The following STARD13 variants were observed in gnomAD, a reference collection of about 807,000 sequenced individuals.
STARD13 encodes the protein StAR related lipid transfer domain containing 13.
Under a neutral mutation model 106.4 loss-of-function variants are expected in STARD13, and 62 were observed. The ratio of observed to expected loss-of-function variants is 0.58; its 90% CI spans 0.48 to 0.72. The LOEUF (loss-of-function observed/expected upper bound fraction) is 0.72. Among genes scored for constraint, STARD13 ranks in the 30% least tolerant of loss-of-function variants. The pLI, the probability that STARD13 is intolerant of heterozygous loss-of-function variation, is 0.00. For synonymous variants in STARD13, 565 were observed against 553.0 expected (o/e 1.02, Z -0.31); for missense variants, 1,387 against 1,424.0 (o/e 0.97, Z 0.42).
intron 1 of STARD13, among the ~76,000 whole-genome samples, chr13:33,284,418 G>A (rs954403046): frequency 3.9e-5 from 6 of 152,122 alleles, no homozygotes; most frequent in South Asian, 4.1e-4. Context: ...TTATTTAAGT[G>A]GAAACTGTAT....
the STARD13 span, among the ~76,000 whole-genome samples, chr13:33,414,095 A>C: frequency 1.3e-5 from 2 of 152,036 alleles, no homozygotes; most frequent in Non-Finnish European, 2.9e-5. Context: ...AGCATTGTCC[A>C]TAGGAAAAGG....
chr13:33,367,987 A>G, the STARD13 span, among the ~76,000 whole-genome samples: 9 of 152,144 alleles, frequency 5.9e-5, no homozygotes, highest in African/African-American at 1.9e-4. Flanking sequence ...CCCAGTAACT[A>G]TAAGAACTCT....
the STARD13 span, among the ~76,000 whole-genome samples, chr13:33,610,273 G>C: frequency 8.4e-4 from 128 of 152,166 alleles, 3 homozygotes; most frequent in East Asian, 0.021. Flanking sequence ...GAGGGATGAA[G>C]GTGGGGCCTT....
the STARD13 span, among the ~76,000 whole-genome samples, chr13:33,505,263 G>C: frequency 5.3e-5 from 8 of 152,152 alleles, no homozygotes; most frequent in African/African-American, 1.9e-4. Context: ...CTGAGAATAA[G>C]GGAGGTAAAA....
At chr13:33,463,681 C>A in the STARD13 span, among the ~76,000 whole-genome samples, 1 of 151,838 alleles carries the variant, frequency 6.6e-6, no homozygotes, top group Admixed American at 6.6e-5. Flanking sequence ...CTTCATGTAA[C>A]CTGGTGGGAA....
chr13:33,620,151 A>G, the STARD13 span, among the ~76,000 whole-genome samples: 4 of 152,212 alleles, frequency 2.6e-5, no homozygotes, highest in Non-Finnish European at 2.9e-5. Context: ...TTATACAACT[A>G]ATAGACAAAT....
the STARD13 span, among the ~76,000 whole-genome samples, chr13:33,531,977 A>C: frequency 1.3e-5 from 2 of 152,174 alleles, no homozygotes; most frequent in Non-Finnish European, 2.9e-5. Flanking sequence ...AAGGTTTTGC[A>C]TGTGCTGTCC....
intron 8 of STARD13, chr13:33,113,510 G>A (rs1250519430): frequency 2.0e-6 from 1 of 509,848 alleles, no homozygotes; most frequent in East Asian, 5.5e-5. Flanking sequence ...ATTCCTAGAG[G>A]GCCAGCTTCT....
At chr13:33,528,169 T>TTATA in the STARD13 span, among the ~76,000 whole-genome samples, 3,524 of 128,764 alleles carry the variant, frequency 0.027, 175 homozygotes, top group African/African-American at 0.1. Flanking sequence ...TAAGCTAATA[T>TTATA]TATATATATA....
At chr13:33,656,179 T>G in the STARD13 span, among the ~76,000 whole-genome samples, 1 of 152,172 alleles carries the variant, frequency 6.6e-6, no homozygotes, top group Admixed American at 6.5e-5. Context: ...GAATCTAAAC[T>G]CTGATTTGAT....
Position 33,285,647 on chromosome 13 carries a change from AT to A in STARD13, c.-10del. On this transcript the variant is annotated 5_prime_UTR_variant, in exon 1 of 14. Transcript: ENST00000336934. ...GGCACCTGACTGAACATCTCGGCAG[AT>A]TTCCTATTGCCACCTCAGTCTGCCT... The A allele has an allele frequency of 6.2e-7, 1 of 1,611,796 alleles. No homozygotes were observed. Among genetic ancestry groups the A allele is most frequent in the Non-Finnish European group, 8.5e-7 (1 of 1,179,648 alleles).
chr13:33,652,140 A>C, the STARD13 span, among the ~76,000 whole-genome samples: 77 of 152,360 alleles, frequency 5.1e-4, no homozygotes, highest in African/African-American at 1.8e-3. Context: ...TAAACAATAG[A>C]AAACCAGAAC....
At chr13:33,133,653 CA>C (rs35731008) in intron 4 of STARD13, among the ~76,000 whole-genome samples, 48,317 of 147,784 alleles carry the variant, frequency 0.33, 8,339 homozygotes, top group Non-Finnish European at 0.41. Context: ...TATACTAAAG[CA>C]AAAAAAAAAA....
the STARD13 span, among the ~76,000 whole-genome samples, chr13:33,359,235 A>G: frequency 0.96 from 145,876 of 152,138 alleles, 70,249 homozygotes; most frequent in East Asian, 1. Flanking sequence ...GTAACACTGC[A>G]AAGATCTGCA....
chr13:33,449,048 T>C, the STARD13 span, among the ~76,000 whole-genome samples: 1 of 151,956 alleles, frequency 6.6e-6, no homozygotes, highest in African/African-American at 2.4e-5. Flanking sequence ...CTCTTTGCTT[T>C]GTTAATTGTT....
At chr13:33,430,900 A>G in the STARD13 span, among the ~76,000 whole-genome samples, 11,898 of 152,252 alleles carry the variant, frequency 0.078, 1,156 homozygotes, top group African/African-American at 0.23. Context: ...GGAGATTACC[A>G]GAGGCTACAA....
chr13:33,307,008 C>T (rs553170794), intron 1 of STARD13, among the ~76,000 whole-genome samples: 8 of 151,720 alleles, frequency 5.3e-5, no homozygotes, highest in African/African-American at 1.9e-4. Flanking sequence ...CATGAACAGA[C>T]ATTTCTCAAA....
intron 1 of STARD13, among the ~76,000 whole-genome samples, chr13:33,222,300 G>A (rs943164043): frequency 6.6e-6 from 1 of 152,220 alleles, no homozygotes; most frequent in Admixed American, 6.5e-5. Context: ...GTGGGTGCCA[G>A]AGGTTGCGGA....
chr13:33,160,917 T>C lies in STARD13; in HGVS notation c.323+4420A>G, dbSNP rs536566693. Among the ~76,000 whole-genome samples, 18 of 152,290 alleles carry C rather than the reference T, an allele frequency of 1.2e-4. No homozygotes were observed. In the East Asian group the frequency reaches 2.9e-3, roughly 24 times the overall value. ...AGAGCCCACGATCCCATTCCTAGGA[T>C]TTTACATCAAAGAAATGAAAACTTA... is the stretch of plus-strand genomic sequence containing the variant. On this transcript the variant is annotated intron_variant, in intron 3 of 13. Transcript: ENST00000336934.
Sources: allele counts gnomAD v4.1 joint callset (sites outside exome capture counted in the v4.1 genomes callset), GRCh38; gene constraint gnomAD v4.1.1; transcripts MANE v1.5; gene names NCBI Gene and HGNC (gene_info 2026-07-23, HGNC 2026-07-21).